Variants in TRIM66 observed in about 807,000 individuals in gnomAD.
TRIM66 encodes the protein tripartite motif-containing protein 66.
A neutral mutation model predicts 148.2 loss-of-function variants in TRIM66; 99 were observed. The ratio of observed to expected loss-of-function variants is 0.67; its 90% CI spans 0.57 to 0.79. TRIM66 has a LOEUF of 0.79. TRIM66 is among the 30% of genes least tolerant of loss of function. The probability of loss-of-function intolerance (pLI) is 0.00; values close to 1 mark genes in which losing one functional copy is unlikely to be tolerated. For missense variants in TRIM66, 1,666 were observed against 1,697.9 expected (o/e 0.98, Z 0.33); for synonymous variants, 616 against 635.9 (o/e 0.97, Z 0.47).
At chr11:8,652,653 A>T (rs7123873) in intron 6 of TRIM66, among the ~76,000 whole-genome samples, 2,769 of 152,240 alleles carry the variant, frequency 0.018, 93 homozygotes, top group African/African-American at 0.063. Flanking sequence ...CACCCTGGAG[A>T]CCACAGTGAT....
intron 6 of TRIM66, among the ~76,000 whole-genome samples, chr11:8,653,429 A>T (rs892540532): frequency 6.6e-6 from 1 of 152,164 alleles, no homozygotes; most frequent in Non-Finnish European, 1.5e-5. Flanking sequence ...GAAAAATCTA[A>T]CCTGGCATTG....
intron 12 of TRIM66, 90 bp from the exon 13 acceptor site, chr11:8,643,216 T>A: frequency 9.0e-7 from 1 of 1,117,194 alleles, no homozygotes; most frequent in Non-Finnish European, 1.3e-6. Flanking sequence ...GCTGAAAGGC[T>A]CAAAGTCATG....
chr11:8,670,515 C>T (rs1487517843), intron 6 of TRIM66, among the ~76,000 whole-genome samples: 2 of 152,198 alleles, frequency 1.3e-5, no homozygotes, highest in Non-Finnish European at 2.9e-5. Context: ...ATTTAACTCA[C>T]TGGATTTTCA....
At chr11:8,651,191 CTAA>C (rs1412364064) in intron 7 of TRIM66, among the ~76,000 whole-genome samples, 4 of 152,084 alleles carry the variant, frequency 2.6e-5, no homozygotes, top group Non-Finnish European at 4.4e-5. Context: ...GTCGATCTCC[CTAA>C]TATCCAGCAC....
upstream of TRIM66, chr11:8,682,970 C>T (rs570315500): frequency 3.6e-4 from 386 of 1,058,406 alleles, no homozygotes; most frequent in Non-Finnish European, 5.0e-4. Context: ...GGGCCCGGGG[C>T]GGGGCTCCCG....
intron 6 of TRIM66, among the ~76,000 whole-genome samples, chr11:8,667,895 A>C (rs1373707398): frequency 6.6e-6 from 1 of 152,198 alleles, no homozygotes; most frequent in Admixed American, 6.5e-5. Flanking sequence ...ATATCTCTTC[A>C]AGTCCCTACT....
chr11:8,620,994 T>TA (rs1437584580), intron 20 of TRIM66, 38 bp downstream of exon 20: 1 of 1,537,304 alleles, frequency 6.5e-7, no homozygotes. Context: ...AAGGTAACCC[T>TA]ACTAGCCAGG....
intron 6 of TRIM66, among the ~76,000 whole-genome samples, chr11:8,671,158 CG>C (rs926299069): frequency 6.6e-6 from 1 of 152,214 alleles, no homozygotes; most frequent in African/African-American, 2.4e-5. Context: ...AGATCAACAA[CG>C]GTATTTCTAA....
rs1467231888 is a variant in TRIM66 at position 8,648,049 on chromosome 11, T to A, written c.763A>T (p.Met255Leu). Residue 255 changes from methionine (M) to leucine (L), a missense_variant, in exon 10 of 25, where the codon ATG (methionine) becomes TTG (leucine). By Grantham distance (15) the Met-to-Leu change is conservative (BLOSUM62 2). Around this residue, in one of 3 missense-constraint regions of TRIM66, gnomAD observed 1,431 missense variants for 1,412.4 expected, o/e 1.01. Coordinates refer to ENST00000646038, the MANE Select transcript of TRIM66 (RefSeq NM_001388022.1). ...TGTGTAGTCACACCTTCCAGAAGCATCCTCTGGTTTTGCAAAACTTCTTCA... is the reference window on the plus strand; with the variant it reads ...TGTGTAGTCACACCTTCCAGAAGCAACCTCTGGTTTTGCAAAACTTCTTCA... ...HVEEVLQNQRMLLEGVTTQVA... is the reference protein window; with the variant it reads ...HVEEVLQNQRLLLEGVTTQVA... The A allele has an allele frequency of 1.9e-6, 3 of 1,551,588 alleles. No individual in the cohort carries two copies. In the South Asian group the frequency reaches 3.6e-5, roughly 18 times the overall value.
At chr11:8,629,126 G>A (rs2035151780) in intron 15 of TRIM66, among the ~76,000 whole-genome samples, 1 of 152,116 alleles carries the variant, frequency 6.6e-6, no homozygotes, top group Non-Finnish European at 1.5e-5. Flanking sequence ...AGGGACCAAG[G>A]CCAAAAATCA....
At chr11:8,632,715 C>A (rs1036079586) in intron 15 of TRIM66, among the ~76,000 whole-genome samples, 3 of 152,090 alleles carry the variant, frequency 2.0e-5, no homozygotes, top group African/African-American at 7.2e-5. Context: ...CTTGCCTCGG[C>A]CTTCCAAAGT....
At chr11:8,670,534 TTAAG>T (rs1220618533) in intron 6 of TRIM66, among the ~76,000 whole-genome samples, 3 of 152,242 alleles carry the variant, frequency 2.0e-5, no homozygotes, top group South Asian at 2.1e-4. Flanking sequence ...CAAGAGTTCT[TTAAG>T]TAATCAGGAA....
chr11:8,646,398 T>C, intron 11 of TRIM66, 49 bp downstream of exon 11: 1 of 1,466,200 alleles, frequency 6.8e-7, no homozygotes, highest in Non-Finnish European at 9.4e-7. Flanking sequence ...TAGCTTGATA[T>C]ATGGATGGTT....
chr11:8,647,636 C>T (rs1253569174), intron 10 of TRIM66, among the ~76,000 whole-genome samples: 1 of 152,170 alleles, frequency 6.6e-6, no homozygotes, highest in Non-Finnish European at 1.5e-5. Flanking sequence ...TTGTTCCACC[C>T]TCATAATAAG....
Position 8,613,456 on chromosome 11 carries a change from A to G in TRIM66, c.*4488T>C, listed in dbSNP as rs1187011802. ...GGCAGTCACTGGTGACTTTTATGAA[A>G]AAGTATAGAGGGCTGAAGAACAGCT... On this transcript the variant is annotated 3_prime_UTR_variant, in exon 25 of 25. Transcript: ENST00000646038. 1 of 152,228 alleles carries G rather than the reference A, an allele frequency of 6.6e-6. No individual in the cohort carries two copies. The highest frequency in any genetic ancestry group is 2.4e-5 in the African/African-American group (1 of 41,438). The allele number at this position is 152,228 out of a possible 1,614,324, so 9.4% of individuals were successfully genotyped here.
chr11:8,634,389 G>A (rs2035690930), intron 15 of TRIM66, among the ~76,000 whole-genome samples: 1 of 152,116 alleles, frequency 6.6e-6, no homozygotes, highest in South Asian at 2.1e-4. Flanking sequence ...GGCTGGTCTC[G>A]AGCTGTTGAG....
chr11:8,661,653 TC>T (rs1191885770), intron 6 of TRIM66, among the ~76,000 whole-genome samples: 1 of 152,202 alleles, frequency 6.6e-6, no homozygotes, highest in Admixed American at 6.5e-5. Flanking sequence ...TGGATTTTTT[TC>T]CTGGCTCTGC....
intron 6 of TRIM66, among the ~76,000 whole-genome samples, chr11:8,663,419 T>C (rs2038391175): frequency 6.6e-6 from 1 of 152,238 alleles, no homozygotes; most frequent in Non-Finnish European, 1.5e-5. Flanking sequence ...TAAAGTTTAA[T>C]TTGTAAATTA....
At chr11:8,650,411 G>A (rs2133241343) in intron 7 of TRIM66, among the ~76,000 whole-genome samples, 1 of 149,416 alleles carries the variant, frequency 6.7e-6, no homozygotes, top group South Asian at 2.2e-4. Flanking sequence ...GAAGGAAGAA[G>A]AAGGAGGAGG....
Sources: allele counts gnomAD v4.1 joint callset (sites outside exome capture counted in the v4.1 genomes callset), GRCh38; gene constraint gnomAD v4.1.1; regional missense constraint gnomAD v4.1.1; transcripts MANE v1.5; gene names NCBI Gene and HGNC (gene_info 2026-07-23, HGNC 2026-07-21).